The following FER1L6 variants were observed in gnomAD, a reference collection of about 807,000 sequenced individuals.
The protein encoded by FER1L6 is fer-1 like family member 6, also known as fer-1-like protein 6.
FER1L6 carries 177 observed loss-of-function variants against 219.2 expected under a neutral mutation model. That is an observed-to-expected ratio of 0.81 (90% CI 0.71 to 0.91). FER1L6 has a LOEUF of 0.91. Among genes scored for constraint, FER1L6 ranks in the 40% least tolerant of loss-of-function variants. The probability of loss-of-function intolerance (pLI) is 0.00; values close to 1 mark genes in which losing one functional copy is unlikely to be tolerated. For missense variants in FER1L6, 2,153 were observed against 2,259.9 expected (o/e 0.95, Z 0.96); for synonymous variants, 768 against 824.3 (o/e 0.93, Z 1.17).
chr8:123,936,894 C>T (rs1736506433), intron 1 of FER1L6, among the ~76,000 whole-genome samples: 1 of 152,288 alleles, frequency 6.6e-6, no homozygotes, highest in African/African-American at 2.4e-5. Context: ...ATACAAGGGT[C>T]TTAACTGTTA....
intron 1 of FER1L6, among the ~76,000 whole-genome samples, chr8:123,872,910 T>C (rs1486298613): frequency 1.3e-5 from 2 of 152,328 alleles, no homozygotes; most frequent in South Asian, 2.1e-4. Flanking sequence ...AGGTTCACCA[T>C]AAATGTTGGT....
At chr8:123,955,308 G>A (rs1423162298) in intron 1 of FER1L6, among the ~76,000 whole-genome samples, 1 of 152,182 alleles carries the variant, frequency 6.6e-6, no homozygotes. Context: ...GCTTGGAAAT[G>A]GCTTCCTGCT....
intron 1 of FER1L6, among the ~76,000 whole-genome samples, chr8:123,877,732 C>A (rs182990905): frequency 2.9e-4 from 43 of 149,128 alleles, no homozygotes; most frequent in Admixed American, 5.4e-4. Flanking sequence ...GTGAAATACG[C>A]TTCCTTTAAC....
At chr8:124,055,225 G>A (rs1820230891) in intron 22 of FER1L6, among the ~76,000 whole-genome samples, 1 of 152,122 alleles carries the variant, frequency 6.6e-6, no homozygotes, top group Admixed American at 6.5e-5. Context: ...GATCGTTTGA[G>A]TCCAGGAGTT....
chr8:123,855,882 A>G lies in FER1L6; in HGVS notation c.-8+3697A>G, dbSNP rs1000386336. ...CCTAATATATTATGTATTAATGTAT[A>G]TAACTAATGTATATTATTACTAATT... On this transcript the variant is annotated intron_variant, in intron 1 of 40. Transcript: ENST00000522917. Among the ~76,000 whole-genome samples, 7 of 146,482 alleles carry G rather than the reference A, an allele frequency of 4.8e-5. No individual in the cohort carries two copies. In the East Asian group the frequency reaches 7.8e-4, roughly 16 times the overall value.
intron 12 of FER1L6, among the ~76,000 whole-genome samples, chr8:123,998,111 T>C (rs1481435402): frequency 2.0e-5 from 3 of 152,172 alleles, no homozygotes; most frequent in Non-Finnish European, 4.4e-5. Context: ...GTATTTATTG[T>C]AGTCTTTGTA....
intron 31 of FER1L6, among the ~76,000 whole-genome samples, chr8:124,074,031 A>G (rs891862462): frequency 6.6e-6 from 1 of 152,206 alleles, no homozygotes; most frequent in African/African-American, 2.4e-5. Context: ...ACCTTATTCT[A>G]TCTACAGGAT....
At chr8:123,855,724 CACAT>C (rs1475688364) in intron 1 of FER1L6, among the ~76,000 whole-genome samples, 39 of 111,500 alleles carry the variant, frequency 3.5e-4, no homozygotes, top group East Asian at 2.4e-3. Flanking sequence ...CACACACACA[CACAT>C]ATACGTAATA....
chr8:124,010,998 C>T (rs1817895787), intron 14 of FER1L6, among the ~76,000 whole-genome samples: 1 of 152,114 alleles, frequency 6.6e-6, no homozygotes, highest in Non-Finnish European at 1.5e-5. Context: ...CTCCAAAGGG[C>T]AGGAGTTGAC....
In FER1L6 at chr8:123,956,018, A is replaced by G; in HGVS notation, c.20A>G (p.Lys7Arg). Residue 7 changes from lysine (K) to arginine (R), a missense_variant, in exon 2 of 41, where the codon AAG becomes AGG. Lys to Arg is a conservative substitution (Grantham distance 26). Coordinates refer to ENST00000522917, the MANE Select transcript of FER1L6 (RefSeq NM_001039112.2). MFGLKV[K>R]KKRNKAEKGL... is the part of the protein sequence containing the mutation. ...AAGGGGATGTTTGGGCTGAAGGTGA[A>G]GAAGAAGAGAAATAAGGCAGAGAAG... is the stretch of plus-strand genomic sequence containing the variant. 6.2e-7 allele frequency: 1 copy of G among 1,611,892 alleles called. No homozygotes were observed. Among genetic ancestry groups the G allele is most frequent in the South Asian group, 1.1e-5 (1 of 90,442 alleles).
intron 1 of FER1L6, among the ~76,000 whole-genome samples, chr8:123,860,431 C>T: frequency 1.1e-5 from 1 of 88,216 alleles, no homozygotes; most frequent in Non-Finnish European, 2.1e-5. Flanking sequence ...AATAATGCCG[C>T]AATAAACATA....
intron 1 of FER1L6, among the ~76,000 whole-genome samples, chr8:123,937,630 A>T (rs1814063505): frequency 1.3e-5 from 2 of 152,328 alleles, no homozygotes; most frequent in South Asian, 4.1e-4. Flanking sequence ...CTCATCTAGA[A>T]TATTAACAAC....
chr8:123,903,207 A>G (rs1467443453), intron 1 of FER1L6, among the ~76,000 whole-genome samples: 1 of 152,218 alleles, frequency 6.6e-6, no homozygotes, highest in African/African-American at 2.4e-5. Flanking sequence ...TAACTTTGCT[A>G]CAAAATATCT....
chr8:123,963,427 A>G (rs779832402), intron 3 of FER1L6, 29 bp downstream of exon 3: 1 of 1,612,614 alleles, frequency 6.2e-7, no homozygotes, highest in East Asian at 2.2e-5. Context: ...TGGTCAACAC[A>G]CATTTGCTGA....
chr8:124,060,940 G>T, intron 24 of FER1L6: 1 of 389,318 alleles, frequency 2.6e-6, no homozygotes, highest in Non-Finnish European at 4.7e-6. Flanking sequence ...TATAACAGTG[G>T]TTCCCAAAGT....
chr8:123,925,089 C>T (rs1813512989), intron 1 of FER1L6, among the ~76,000 whole-genome samples: 1 of 152,048 alleles, frequency 6.6e-6, no homozygotes. Context: ...AAATTTTATT[C>T]TTGTATTAAG....
chr8:123,867,594 A>G (rs1254561750), intron 1 of FER1L6, among the ~76,000 whole-genome samples: 1 of 152,224 alleles, frequency 6.6e-6, no homozygotes, highest in African/African-American at 2.4e-5. Context: ...AAATGAGAAC[A>G]ATCTCTTAGT....
At chr8:124,061,015 C>T (rs563435576) in intron 24 of FER1L6, among the ~76,000 whole-genome samples, 30 of 152,238 alleles carry the variant, frequency 2.0e-4, no homozygotes, top group African/African-American at 7.2e-4. Context: ...ATTCTCAGGC[C>T]CGGCTGTTCT....
At chr8:123,888,462 C>T (rs1033732997) in intron 1 of FER1L6, among the ~76,000 whole-genome samples, 3 of 152,124 alleles carry the variant, frequency 2.0e-5, no homozygotes, top group Non-Finnish European at 4.4e-5. Flanking sequence ...TCTTTGGAAT[C>T]TGAAGTTTGC....
Sources: allele counts gnomAD v4.1 joint callset (sites outside exome capture counted in the v4.1 genomes callset), GRCh38; gene constraint gnomAD v4.1.1; transcripts MANE v1.5; gene names NCBI Gene and HGNC (gene_info 2026-07-23, HGNC 2026-07-21).